The following CHD2 variants were observed in gnomAD, a reference collection of about 807,000 sequenced individuals.
The protein encoded by CHD2 is ATP-dependent chromatin remodeler CHD2.
In CHD2, 28 loss-of-function variants were observed where a neutral mutation model predicts 243.9. The observed-to-expected ratio is 0.11, with a 90% confidence interval of 0.09 to 0.16. The LOEUF is 0.16. Among genes scored for constraint, CHD2 ranks in the 10% least tolerant of loss-of-function variants. The pLI, the probability that CHD2 is intolerant of heterozygous loss-of-function variation, is 1.00. For synonymous variants in CHD2, 775 were observed against 779.0 expected, an observed-to-expected ratio of 0.99 and a Z score of 0.09; for missense variants, 1,386 against 2,209.8, an observed-to-expected ratio of 0.63 and a Z score of 7.47.
rs1047632073 is a variant in CHD2 at position 92,969,783 on chromosome 15, T to TA, written c.2190-1980dup. Among the ~76,000 whole-genome samples the TA allele has an allele frequency of 2.0e-4, 30 of 150,842 alleles. 1 individual carries two copies. Among genetic ancestry groups the TA allele is most frequent in the African/African-American group, 7.0e-4 (29 of 41,198 alleles). On this transcript the variant is annotated intron_variant, in intron 17 of 38. Transcript: ENST00000394196. ...ACAAAGCTAATACTACCACCAACAATAAGAATAGTAAAAACAGGTTAAGAT... is the reference window on the plus strand; with the variant it reads ...ACAAAGCTAATACTACCACCAACAATAAAGAATAGTAAAAACAGGTTAAGAT...
chr15:92,945,999 G>T, intron 11 of CHD2, 39 bp from the exon 12 acceptor site: 1 of 1,525,494 alleles, frequency 6.6e-7, no homozygotes, highest in South Asian at 1.3e-5. Flanking sequence ...ACTTTTAATT[G>T]ACAGTTGCTA....
Position 93,026,174 on chromosome 15 carries a change from G to T in CHD2, c.*1469G>T, listed in dbSNP as rs905738882. ...GCCAGTATTGTTAAGAGTATCCAAA[G>T]GCCTTTCTAGATGGAGACAGAATAA... On this transcript the variant is annotated 3_prime_UTR_variant, in exon 39 of 39. Transcript: ENST00000394196. 2 of 152,610 alleles carry T rather than the reference G, an allele frequency of 1.3e-5. No individual in the cohort carries two copies. Among genetic ancestry groups the T allele is most frequent in the African/African-American group, 4.8e-5 (2 of 41,418 alleles). The allele number at this position is 152,610 out of a possible 1,614,324, so 9.5% of individuals were successfully genotyped here.
intron 25 of CHD2, 107 bp downstream of exon 25, chr15:92,984,607 G>C (rs979486805): frequency 9.2e-7 from 1 of 1,081,210 alleles, no homozygotes; most frequent in African/African-American, 1.6e-5. Flanking sequence ...TGACACAGAG[G>C]CTTCAGGAGC....
chr15:92,903,835 C>T (rs958545837), intron 2 of CHD2, among the ~76,000 whole-genome samples: 1 of 152,150 alleles, frequency 6.6e-6, no homozygotes, highest in African/African-American at 2.4e-5. Flanking sequence ...AAATCGTCTG[C>T]CTTTGAGCCA....
rs374413766 is a variant in CHD2, at chr15:92,939,571, A to G, written c.552-7A>G. The G allele has an allele frequency of 6.2e-7, 1 of 1,607,842 alleles. No homozygotes were observed. Among genetic ancestry groups the G allele is most frequent in the Non-Finnish European group, 8.5e-7 (1 of 1,178,410 alleles). On this transcript the variant is annotated splice_region_variant and splice_polypyrimidine_tract_variant and intron_variant, in intron 6 of 38. Transcript: ENST00000394196. ...GACTTAGCCTTTTGTTTCTCTTCTC[A>G]TTTTAGAACAGTGCCCAAACCTCGT...
At chr15:92,999,517 C>T (rs1049214203) in intron 31 of CHD2, among the ~76,000 whole-genome samples, 5 of 152,178 alleles carry the variant, frequency 3.3e-5, no homozygotes, top group African/African-American at 1.2e-4. Context: ...CTAAGAAATA[C>T]AAGTTACACC....
intron 28 of CHD2, among the ~76,000 whole-genome samples, chr15:92,996,505 A>T (rs1489616725): frequency 6.6e-6 from 1 of 152,130 alleles, no homozygotes; most frequent in Non-Finnish European, 1.5e-5. Flanking sequence ...ATCATTTCAC[A>T]TGTGTTAGAT....
rs1051478439 is a variant in CHD2 at position 93,024,953 on chromosome 15, C to T, written c.*248C>T. 21 of 461,696 alleles carry T rather than the reference C, an allele frequency of 4.5e-5. No homozygotes were observed. The highest frequency in any genetic ancestry group is 8.0e-5 in the African/African-American group (4 of 49,890). The allele number at this position is 461,696 out of a possible 1,614,324, so 28.6% of individuals were successfully genotyped here. On this transcript the variant is annotated 3_prime_UTR_variant, in exon 39 of 39. Transcript: ENST00000394196. ...GCCTAGTTCTGGCCTCCCACTTTGA[C>T]GGGCACTTGGAGGAGGAGCTGACTG...
chr15:92,975,292 T>C (rs1004111077), intron 20 of CHD2, among the ~76,000 whole-genome samples: 2 of 152,204 alleles, frequency 1.3e-5, no homozygotes, highest in African/African-American at 2.4e-5. Context: ...TGTACTCTTT[T>C]GGTGACTAAG....
chr15:92,985,352 C>T (rs772805707), intron 25 of CHD2, 146 bp from the exon 26 acceptor site: 7 of 665,788 alleles, frequency 1.1e-5, no homozygotes, highest in Non-Finnish European at 1.6e-5. Flanking sequence ...CAAGACCTGT[C>T]TCCCCTTATT....
chr15:92,967,151 A>G (rs1343325474), intron 16 of CHD2, among the ~76,000 whole-genome samples, 174 bp from the exon 17 acceptor site: 2 of 152,124 alleles, frequency 1.3e-5, no homozygotes, highest in Non-Finnish European at 1.5e-5. Context: ...TCCAGTGTAG[A>G]CTGATGGAGT....
In CHD2 at chr15:93,024,580, C is replaced by T. The variant is rs759259416; in HGVS notation, c.5362C>T (p.Arg1788Cys). Reference protein sequence around the residue: ...PPLHPAVSDPRSPPSQKSPHD... With the variant: ...PPLHPAVSDPCSPPSQKSPHD... ...ATTGCACCCTGCAGTCTCAGATCCT[C>T]GCTCACCCCCTTCTCAGAAATCTCC... Residue 1788 changes from arginine (R) to cysteine (C), a missense_variant, in exon 39 of 39, where the codon CGC (arginine) becomes TGC (cysteine). Coordinates refer to ENST00000394196, the MANE Select transcript of CHD2 (RefSeq NM_001271.4). 17 of 1,614,088 alleles carry T rather than the reference C, an allele frequency of 1.1e-5. No individual in the cohort carries two copies. The highest frequency in any genetic ancestry group is 4.5e-5 in the East Asian group (2 of 44,894).
At position 92,918,719 on chromosome 15, in the gene CHD2, A is replaced by G. The variant is rs972884402; in HGVS notation, c.63-5602A>G. Among the ~76,000 whole-genome samples the G allele has an allele frequency of 9.9e-5, 15 of 151,988 alleles. 1 individual carries two copies. Among genetic ancestry groups the G allele is most frequent in the Admixed American group, 4.6e-4 (7 of 15,188 alleles). ...ATTATTAGGTATTAATGGCAATTCTACATAGTCTTTTAGGAAATGTCGTTT... is the reference window on the plus strand; with the variant it reads ...ATTATTAGGTATTAATGGCAATTCTGCATAGTCTTTTAGGAAATGTCGTTT... On this transcript the variant is annotated intron_variant, in intron 2 of 38. Transcript: ENST00000394196.
At chr15:92,936,626 C>G (rs2053271627) in intron 5 of CHD2, among the ~76,000 whole-genome samples, 1 of 152,046 alleles carries the variant, frequency 6.6e-6, no homozygotes, top group Non-Finnish European at 1.5e-5. Flanking sequence ...ACATCTTTAG[C>G]TGAACAGATT....
chr15:92,993,338 G>A (rs1419442352), intron 28 of CHD2: 3 of 214,256 alleles, frequency 1.4e-5, no homozygotes, highest in Admixed American at 1.1e-4. Context: ...AGGTGTTATA[G>A]ATCACAAGCA....
At chr15:92,920,282 T>A (rs929468474) in intron 2 of CHD2, among the ~76,000 whole-genome samples, 4 of 152,178 alleles carry the variant, frequency 2.6e-5, no homozygotes, top group African/African-American at 7.2e-5. Flanking sequence ...CAGTCAACAG[T>A]TTCCAAATAC....
chr15:92,901,033 T>C (rs2052521785), intron 1 of CHD2, 134 bp from the exon 2 acceptor site: 3 of 574,920 alleles, frequency 5.2e-6, no homozygotes, highest in East Asian at 6.1e-5. Context: ...AAGGAAAAAA[T>C]AGAAATATTT....
rs910396182 is a variant in CHD2 at position 92,946,281 on chromosome 15, A to G, written c.1377+65A>G. ...TATACTGATAAAGAGGATTGGACAC[A>G]TATGTGCTGAGAAAATATTACAAAA... On this transcript the variant is annotated intron_variant, in intron 12 of 38. Coordinates refer to ENST00000394196, the MANE Select transcript of CHD2 (RefSeq NM_001271.4). The G allele has an allele frequency of 2.3e-5, 29 of 1,243,870 alleles. No individual in the cohort carries two copies. The African/African-American group carries it at 3.9e-4, about 17-fold the overall frequency. 77.1% of individuals were successfully genotyped at this position (1,243,870 alleles called of 1,614,324 possible). A position where few individuals can be genotyped will look rare whatever the true frequency, so the allele number is the denominator to read the frequency against.
Position 93,004,611 on chromosome 15 carries a change from T to C in CHD2, c.4279-6T>C. The C allele has an allele frequency of 6.2e-7, 1 of 1,608,110 alleles. No homozygotes were observed. The highest frequency in any genetic ancestry group is 8.5e-7 in the Non-Finnish European group (1 of 1,176,268). On this transcript the variant is annotated splice_region_variant and splice_polypyrimidine_tract_variant and intron_variant, in intron 33 of 38. Transcript: ENST00000394196. ...ACAATGACTCCTTGTAACTCTTTTTTAAAAGCCTAAAAGTGGTGATGCCAA... is the reference window on the plus strand; with the variant it reads ...ACAATGACTCCTTGTAACTCTTTTTCAAAAGCCTAAAAGTGGTGATGCCAA...
Sources: gnomAD v4.1 joint callset for allele counts (sites outside exome capture counted in the v4.1 genomes callset) on GRCh38, gnomAD v4.1.1 for gene constraint, MANE v1.5 for transcripts, NCBI Gene and HGNC (gene_info 2026-07-23, HGNC 2026-07-21) for gene names.